The following TSPAN14 variants were observed in gnomAD, a reference collection of about 807,000 sequenced individuals.
The protein encoded by TSPAN14 is tetraspanin-14.
A neutral mutation model predicts 36.6 loss-of-function variants in TSPAN14; 16 were observed. The ratio of observed to expected loss-of-function variants is 0.44; its 90% CI spans 0.30 to 0.66. The LOEUF is 0.66. Ranked by LOEUF, TSPAN14 falls within the 30% of genes least tolerant of loss-of-function variation. The pLI is 0.12. For synonymous variants in TSPAN14, 139 were observed against 143.8 expected (o/e 0.97, Z 0.24); for missense variants, 231 against 355.1 (o/e 0.65, Z 2.81).
chr10:80,483,982 G>A (rs547188465), intron 1 of TSPAN14, among the ~76,000 whole-genome samples: 6 of 129,850 alleles, frequency 4.6e-5, no homozygotes, highest in South Asian at 5.2e-4. Context: ...GGTGACTCAC[G>A]CCTGTAATCT....
chr10:80,468,243 T>C lies in TSPAN14; in HGVS notation c.-18+13872T>C, dbSNP rs145895790. Among the ~76,000 whole-genome samples the C allele has an allele frequency of 5.6e-3, 853 of 152,270 alleles. 7 individuals are homozygous for C. The highest frequency in any genetic ancestry group is 0.015 in the South Asian group (71 of 4,822). ...TGTTGCCCGTCTGACTTCCTCCCAT[T>C]GTCTTCGGGGCCAGCCTGTGTCACT... is the stretch of plus-strand genomic sequence containing the variant. On this transcript the variant is annotated intron_variant, in intron 1 of 8. Transcript: ENST00000429989.
intron 1 of TSPAN14, among the ~76,000 whole-genome samples, chr10:80,488,529 T>TGGG (rs755630158): frequency 5.9e-4 from 84 of 142,264 alleles, no homozygotes; most frequent in Middle Eastern, 7.0e-3. Context: ...TGAGGTGGAG[T>TGGG]GGGGGGCGAG....
intron 2 of TSPAN14, among the ~76,000 whole-genome samples, chr10:80,496,911 C>A (rs1848225389): frequency 6.6e-6 from 1 of 151,984 alleles, no homozygotes; most frequent in Admixed American, 6.6e-5. Context: ...GTTGGGATTT[C>A]ATCTTCTTTG....
At chr10:80,476,048 A>G (rs934019679) in intron 1 of TSPAN14, among the ~76,000 whole-genome samples, 1 of 152,206 alleles carries the variant, frequency 6.6e-6, no homozygotes, top group Non-Finnish European at 1.5e-5. Flanking sequence ...ACTTTGAACC[A>G]TCTCCAGATT....
At chr10:80,485,007 A>G (rs1407910358) in intron 1 of TSPAN14, among the ~76,000 whole-genome samples, 1 of 152,142 alleles carries the variant, frequency 6.6e-6, no homozygotes, top group Non-Finnish European at 1.5e-5. Flanking sequence ...ATTTTGATAA[A>G]CATGTGCCTC....
At chr10:80,485,969 A>G (rs1276841589) in intron 1 of TSPAN14, among the ~76,000 whole-genome samples, 1 of 152,180 alleles carries the variant, frequency 6.6e-6, no homozygotes, top group East Asian at 1.9e-4. Context: ...GCATCAGGAT[A>G]CGTTGTCTGG....
chr10:80,489,786 G>A (rs1397053943), intron 2 of TSPAN14, among the ~76,000 whole-genome samples: 1 of 152,214 alleles, frequency 6.6e-6, no homozygotes, highest in Non-Finnish European at 1.5e-5. Context: ...GGACAGTGAG[G>A]GAGAAGCTCC....
chr10:80,475,645 T>C (rs930748204), intron 1 of TSPAN14, among the ~76,000 whole-genome samples: 1 of 152,204 alleles, frequency 6.6e-6, no homozygotes, highest in African/African-American at 2.4e-5. Flanking sequence ...TGGAGTGCAG[T>C]GGCGCGATCT....
At position 80,509,294 on chromosome 10, in the gene TSPAN14, C is replaced by T. The variant is rs778337344; in HGVS notation, c.280-7C>T. ...GTGACTTCTGCTCCCGTCCCCTTCC[C>T]CTGCAGTTCTGTGGCACCATCGTGC... On this transcript the variant is annotated splice_region_variant and splice_polypyrimidine_tract_variant and intron_variant, in intron 4 of 8. Transcript: ENST00000429989. The surrounding 1 kb of genome is among the most constrained non-coding windows in gnomAD (Gnocchi z 4.7). 7 of 1,612,788 alleles carry T rather than the reference C, an allele frequency of 4.3e-6. No individual in the cohort carries two copies. The highest frequency in any genetic ancestry group is 4.2e-6 in the Non-Finnish European group (5 of 1,179,504).
intron 1 of TSPAN14, among the ~76,000 whole-genome samples, chr10:80,471,165 C>T (rs1247088546): frequency 6.6e-6 from 1 of 152,016 alleles, no homozygotes; most frequent in African/African-American, 2.4e-5. Context: ...ACAGGTCCCA[C>T]TCTGAGTTGG....
At chr10:80,462,912 C>T (rs1424207803) in intron 1 of TSPAN14, among the ~76,000 whole-genome samples, 1 of 152,164 alleles carries the variant, frequency 6.6e-6, no homozygotes, top group East Asian at 1.9e-4. Flanking sequence ...AGAAGGGTCC[C>T]TGTGGATGCC....
intron 7 of TSPAN14, among the ~76,000 whole-genome samples, chr10:80,514,425 G>A (rs554841349): frequency 6.6e-5 from 10 of 152,216 alleles, no homozygotes; most frequent in Non-Finnish European, 1.2e-4. Flanking sequence ...GAGTGTAGGT[G>A]CCTTGTTCTG....
At chr10:80,462,422 C>A (rs7100689) in intron 1 of TSPAN14, among the ~76,000 whole-genome samples, 125,508 of 150,744 alleles carry the variant, frequency 0.83, 52,920 homozygotes, top group East Asian at 0.98. Flanking sequence ...TCTGTTTATG[C>A]AGCACTCCCT....
chr10:80,490,744 G>A (rs1847881826), intron 2 of TSPAN14, among the ~76,000 whole-genome samples: 1 of 152,132 alleles, frequency 6.6e-6, no homozygotes, highest in Non-Finnish European at 1.5e-5. Flanking sequence ...AAGAGGAGAA[G>A]AAAAATTTGG....
chr10:80,512,429 C>G (rs1377629277), intron 6 of TSPAN14, among the ~76,000 whole-genome samples, 160 bp downstream of exon 6: 1 of 152,218 alleles, frequency 6.6e-6, no homozygotes, highest in East Asian at 1.9e-4. Context: ...GCTCTGAAAT[C>G]CGATATGTGT....
chr10:80,459,445 G>C (rs1845875056), intron 1 of TSPAN14: 1 of 153,280 alleles, frequency 6.5e-6, no homozygotes, highest in African/African-American at 2.4e-5. Flanking sequence ...GTGCTGGCCT[G>C]AGCTGGGAGC....
At chr10:80,473,740 C>T (rs1382523414) in intron 1 of TSPAN14, among the ~76,000 whole-genome samples, 1 of 146,932 alleles carries the variant, frequency 6.8e-6, no homozygotes, top group Admixed American at 6.9e-5. Context: ...TTGGAAACCA[C>T]AGGTTCACAT....
chr10:80,501,367 C>T (rs2132035930), intron 2 of TSPAN14, among the ~76,000 whole-genome samples: 1 of 150,244 alleles, frequency 6.7e-6, no homozygotes, highest in African/African-American at 2.5e-5. Context: ...CTCAAGCAAT[C>T]CTCCTGCCTC....
Position 80,492,910 on chromosome 10 carries a change from G to C in TSPAN14, c.81+3596G>C, listed in dbSNP as rs568061018. Among the ~76,000 whole-genome samples the C allele has an allele frequency of 5.3e-5, 8 of 152,180 alleles. No individual in the cohort carries two copies. The South Asian group carries it at 1.7e-3, about 32-fold the overall frequency. On this transcript the variant is annotated intron_variant, in intron 2 of 8. Coordinates refer to ENST00000429989, the Ensembl canonical transcript of TSPAN14. The stretch of plus-strand genomic sequence containing the variant: ...TTTTTTAAGCTCTCTTTCTGACTTT[G>C]GGGCCAAGGTTTTCCCGGGATTGTT...
Sources: allele counts gnomAD v4.1 joint callset (sites outside exome capture counted in the v4.1 genomes callset), GRCh38; gene constraint gnomAD v4.1.1; non-coding constraint Gnocchi (gnomAD v3.1); transcripts MANE v1.5; gene names NCBI Gene and HGNC (gene_info 2026-07-23, HGNC 2026-07-21).